Variants in STAT5B observed in about 807,000 individuals in gnomAD.
STAT5B encodes the protein signal transducer and activator of transcription 5B.
In STAT5B, 21 loss-of-function variants were observed where a neutral mutation model predicts 107.8. The observed-to-expected ratio is 0.19, with a 90% CI of 0.14 to 0.28. STAT5B has a LOEUF of 0.28. STAT5B is among the 10% of genes least tolerant of loss of function. STAT5B has a pLI of 1.00. For missense variants in STAT5B, 565 were observed against 1,008.2 expected (o/e 0.56, Z 5.95); for synonymous variants, 325 against 401.7 (o/e 0.81, Z 2.28).
At chr17:42,232,227 A>C in intron 1 of STAT5B, 90 bp from the exon 2 acceptor site, 1 of 1,328,102 alleles carries the variant, frequency 7.5e-7, no homozygotes, top group Non-Finnish European at 9.9e-7. Context: ...TTACCAAGGT[A>C]AATGTTTTTA....
intron 2 of STAT5B, 107 bp from the exon 3 acceptor site, chr17:42,227,792 T>A: frequency 1.7e-6 from 2 of 1,189,226 alleles, no homozygotes; most frequent in Non-Finnish European, 2.4e-6. Context: ...ATGTTTTTAA[T>A]CCTCACTGCA....
intron 5 of STAT5B, 92 bp from the exon 6 acceptor site, chr17:42,219,934 C>T (rs1340886737): frequency 7.2e-5 from 115 of 1,587,322 alleles, no homozygotes; most frequent in Non-Finnish European, 9.8e-5. Flanking sequence ...GAGCGAGACC[C>T]TCCTGGGCTC....
At chr17:42,205,806 G>A (rs2080080247) in intron 16 of STAT5B, among the ~76,000 whole-genome samples, 1 of 152,152 alleles carries the variant, frequency 6.6e-6, no homozygotes, top group African/African-American at 2.4e-5. Flanking sequence ...CTATGTGGGA[G>A]GCTGAGGTGG....
rs200292210 is a variant in STAT5B, at chr17:42,227,455, GAGAA to G, written c.285+70_285+73del. 3.2e-3 allele frequency: 5,071 copies of G among 1,604,050 alleles called. 124 individuals carry two copies. The African/African-American group carries it at 0.059, about 19-fold the overall frequency. On this transcript the variant is annotated intron_variant, in intron 3 of 18. Coordinates refer to ENST00000293328, the MANE Select transcript of STAT5B (RefSeq NM_012448.4). ...AACTCAACAATGCTGGACTGAAGGA[GAGAA>G]AGAAAGTCTCTACAGGAAGAAGACC...
chr17:42,218,969 G>A (rs1401002685), intron 7 of STAT5B, 91 bp from the exon 8 acceptor site: 1 of 1,594,634 alleles, frequency 6.3e-7, no homozygotes, highest in Non-Finnish European at 8.6e-7. Flanking sequence ...CCCCAGGAAG[G>A]CTCTGTGCTT....
intron 1 of STAT5B, chr17:42,275,334 A>T (rs2080755805): frequency 1.3e-5 from 2 of 152,170 alleles, no homozygotes; most frequent in Non-Finnish European, 2.9e-5. Flanking sequence ...GCAAAGAGAG[A>T]ATCGGTATCT....
At chr17:42,262,798 G>A (rs377385710) in intron 1 of STAT5B, among the ~76,000 whole-genome samples, 3 of 103,578 alleles carry the variant, frequency 2.9e-5, no homozygotes, top group Non-Finnish European at 5.6e-5. Flanking sequence ...ACATATATAT[G>A]TGTGTATATA....
In STAT5B at chr17:42,230,549, C is replaced by T. The variant is rs549996613; in HGVS notation, c.128+1451G>A. On this transcript the variant is annotated intron_variant, in intron 2 of 18. Coordinates refer to ENST00000293328, the MANE Select transcript of STAT5B (RefSeq NM_012448.4). ...TCTAAAAGAAATTTAAAACAACTCT[C>T]CCCTCCCCCAAGTATGTAATCAGTA... Among the ~76,000 whole-genome samples the T allele has an allele frequency of 4.6e-5, 7 of 152,216 alleles. No homozygotes were observed. The South Asian group carries it at 8.3e-4, about 18-fold the overall frequency.
intron 7 of STAT5B, among the ~76,000 whole-genome samples, 198 bp from the exon 8 acceptor site, chr17:42,219,076 C>A (rs1284040707): frequency 1.3e-5 from 2 of 152,116 alleles, no homozygotes; most frequent in African/African-American, 2.4e-5. Context: ...CCCAAACAGC[C>A]CAAGCATCAC....
At chr17:42,205,843 A>G (rs1330198700) in intron 16 of STAT5B, among the ~76,000 whole-genome samples, 1 of 152,100 alleles carries the variant, frequency 6.6e-6, no homozygotes, top group Non-Finnish European at 1.5e-5. Flanking sequence ...TAGCAGTTTG[A>G]GACTGCAGTG....
intron 12 of STAT5B, chr17:42,214,698 T>A (rs2080156347): frequency 1.1e-6 from 1 of 910,020 alleles, no homozygotes; most frequent in African/African-American, 1.8e-5. Context: ...TTTATCATGC[T>A]TTTATGGACT....
chr17:42,263,010 AT>A (rs2080630028), intron 1 of STAT5B, among the ~76,000 whole-genome samples: 2 of 44,858 alleles, frequency 4.5e-5, no homozygotes, highest in African/African-American at 1.7e-4. Flanking sequence ...ATATATATAT[AT>A]ATATAAAAAA....
At chr17:42,265,208 T>C (rs964878138) in intron 1 of STAT5B, among the ~76,000 whole-genome samples, 2 of 151,734 alleles carry the variant, frequency 1.3e-5, no homozygotes, top group Non-Finnish European at 1.5e-5. Context: ...AGCTCTTTAG[T>C]CTAATTAGAT....
At chr17:42,261,216 T>C (rs556266073) in intron 1 of STAT5B, among the ~76,000 whole-genome samples, 22 of 152,188 alleles carry the variant, frequency 1.4e-4, no homozygotes, top group South Asian at 6.2e-4. Context: ...CCAGAAAACA[T>C]AATTTTGAAT....
At chr17:42,269,056 A>C (rs1290161130) in intron 1 of STAT5B, among the ~76,000 whole-genome samples, 1 of 152,050 alleles carries the variant, frequency 6.6e-6, no homozygotes, top group East Asian at 1.9e-4. Flanking sequence ...GCCACCAGCT[A>C]TAGGCTCTGA....
At chr17:42,213,502 T>G (rs541438256) in intron 12 of STAT5B, among the ~76,000 whole-genome samples, 33 of 148,554 alleles carry the variant, frequency 2.2e-4, no homozygotes, top group Admixed American at 8.7e-4. Flanking sequence ...CCACTGTGCC[T>G]GGCCACAAGT....
At chr17:42,209,440 T>C (rs1335150731) in intron 15 of STAT5B, among the ~76,000 whole-genome samples, 2 of 152,214 alleles carry the variant, frequency 1.3e-5, no homozygotes, top group African/African-American at 2.4e-5. Flanking sequence ...CTAACTTTCC[T>C]GATGCCCTGG....
At chr17:42,254,542 A>C (rs2144369327) in intron 1 of STAT5B, among the ~76,000 whole-genome samples, 1 of 152,116 alleles carries the variant, frequency 6.6e-6, no homozygotes, top group East Asian at 1.9e-4. Flanking sequence ...AAAATTAAGA[A>C]TATTTCCCCT....
At chr17:42,262,970 G>GTGTA (rs2080626695) in intron 1 of STAT5B, among the ~76,000 whole-genome samples, 57 of 20,942 alleles carry the variant, frequency 2.7e-3, no homozygotes, top group East Asian at 7.5e-3. Context: ...GTGTGTGTGT[G>GTGTA]TATATATATA....
Sources: gnomAD v4.1 joint callset for allele counts (sites outside exome capture counted in the v4.1 genomes callset) on GRCh38, gnomAD v4.1.1 for gene constraint, MANE v1.5 for transcripts, NCBI Gene and HGNC (gene_info 2026-07-23, HGNC 2026-07-21) for gene names.